The following RGS12 variants were observed in gnomAD, a reference collection of about 807,000 sequenced individuals.
RGS12 encodes regulator of G protein signaling 12, also known as regulator of G-protein signaling 12.
In RGS12, 66 loss-of-function variants were observed where a neutral mutation model predicts 120.1. The observed-to-expected ratio is 0.55, with a 90% CI of 0.45 to 0.67. RGS12 has a LOEUF of 0.67. Among genes scored for constraint, RGS12 ranks in the 30% least tolerant of loss-of-function variants. The pLI is 0.00. For missense variants in RGS12, 1,859 were observed against 1,957.7 expected (o/e 0.95, Z 0.95); for synonymous variants, 827 against 804.7 (o/e 1.03, Z -0.47).
chr4:3,349,472 G>A (rs1385793363), intron 3 of RGS12, among the ~76,000 whole-genome samples: 3 of 151,998 alleles, frequency 2.0e-5, no homozygotes, highest in Non-Finnish European at 4.4e-5. Context: ...CTACTTAGTG[G>A]TTTCTTTCTC....
intron 3 of RGS12, chr4:3,370,294 C>G: frequency 6.2e-7 from 1 of 1,614,116 alleles, no homozygotes; most frequent in African/African-American, 1.3e-5. Context: ...AGTTGTCAAA[C>G]GAAACCCATG....
intron 2 of RGS12, among the ~76,000 whole-genome samples, chr4:3,328,228 G>T (rs937876507): frequency 2.0e-5 from 3 of 152,176 alleles, no homozygotes; most frequent in African/African-American, 7.2e-5. Flanking sequence ...GTAGAGAATG[G>T]AGACTTGGAA....
At chr4:3,421,053 T>A (rs762409245) in intron 10 of RGS12, among the ~76,000 whole-genome samples, 9 of 152,222 alleles carry the variant, frequency 5.9e-5, no homozygotes, top group Non-Finnish European at 1.3e-4. Flanking sequence ...CCACTAAGAA[T>A]CAACAGAAGG....
intron 2 of RGS12, among the ~76,000 whole-genome samples, chr4:3,322,297 G>T (rs1725256145): frequency 2.0e-5 from 3 of 152,336 alleles, no homozygotes; most frequent in African/African-American, 7.2e-5. Flanking sequence ...TGAGTTACTT[G>T]TAGACTCGCT....
intron 9 of RGS12, chr4:3,417,808 T>C (rs902272962): frequency 2.3e-6 from 1 of 425,868 alleles, no homozygotes; most frequent in African/African-American, 2.0e-5. Context: ...ACCTCAGGCC[T>C]ACCCCACACA....
intron 16 of RGS12, 28 bp downstream of exon 16, chr4:3,428,739 T>C: frequency 6.4e-7 from 1 of 1,562,872 alleles, no homozygotes; most frequent in Non-Finnish European, 8.6e-7. Context: ...AACTTCCACG[T>C]TTTTAGTAAA....
intron 4 of RGS12, among the ~76,000 whole-genome samples, chr4:3,395,207 TAA>T (rs572783032): frequency 1.9e-4 from 26 of 135,438 alleles, no homozygotes; most frequent in Middle Eastern, 3.8e-3. Flanking sequence ...AGAGTCCATC[TAA>T]AAAAAAAAAA....
intron 13 of RGS12, 27 bp from the exon 14 acceptor site, chr4:3,425,437 A>G (rs768009797): frequency 6.3e-7 from 1 of 1,588,766 alleles, no homozygotes; most frequent in Non-Finnish European, 8.6e-7. Flanking sequence ...GTCTGGGTAA[A>G]TTATTCAGTG....
chr4:3,286,841 C>T, the RGS12 span, among the ~76,000 whole-genome samples: 3 of 152,212 alleles, frequency 2.0e-5, no homozygotes, highest in Non-Finnish European at 4.4e-5. Flanking sequence ...GCCCTTAGTG[C>T]GCTGCTAGGC....
At chr4:3,388,650 C>T (rs1719120854) in intron 4 of RGS12, among the ~76,000 whole-genome samples, 1 of 152,110 alleles carries the variant, frequency 6.6e-6, no homozygotes, top group African/African-American at 2.4e-5. Context: ...CAGCCCTGGA[C>T]CCTCCAGCGC....
rs930705809 is a variant in RGS12, at chr4:3,433,675, C to T, written c.4114+2720C>T. 1.3e-5 allele frequency among the ~76,000 whole-genome samples: 2 copies of T among 152,012 alleles called. No individual in the cohort carries two copies. Among genetic ancestry groups the T allele is most frequent in the African/African-American group, 2.4e-5 (1 of 41,356 alleles). ...CCACCCTGTTCCAGCCCCTGCGCCA[C>T]GTGGTGCTCCACCACGCCCTTCTAG... On this transcript the variant is annotated intron_variant, in intron 17 of 17. Transcript: ENST00000336727. This position sits in a 1 kb window ranked among gnomAD's most constrained non-coding sequence, Gnocchi z 4.4.
At chr4:3,401,516 A>T (rs1490598796) in intron 4 of RGS12, among the ~76,000 whole-genome samples, 1 of 152,244 alleles carries the variant, frequency 6.6e-6, no homozygotes, top group Non-Finnish European at 1.5e-5. Context: ...AAAGTTAAGT[A>T]ACTCGTAAGT....
At chr4:3,310,848 G>A (rs889000073) in intron 1 of RGS12, among the ~76,000 whole-genome samples, 1 of 152,166 alleles carries the variant, frequency 6.6e-6, no homozygotes, top group Non-Finnish European at 1.5e-5. Context: ...GCTGTCTCAG[G>A]CCCTTCCTCT....
At chr4:3,377,695 A>G (rs971862325) in intron 3 of RGS12, among the ~76,000 whole-genome samples, 2 of 152,238 alleles carry the variant, frequency 1.3e-5, no homozygotes, top group African/African-American at 4.8e-5. Context: ...AACTTTCAAA[A>G]CATTCATTTC....
intron 17 of RGS12, 78 bp from the exon 18 acceptor site, chr4:3,439,377 G>A (rs1725118355): frequency 7.1e-7 from 1 of 1,400,298 alleles, no homozygotes; most frequent in Non-Finnish European, 1.0e-6. Flanking sequence ...CTGTGCAGGG[G>A]CCTTCGGGGT....
chr4:3,414,893 A>G (rs773457985), intron 6 of RGS12, 49 bp downstream of exon 6: 37 of 1,384,288 alleles, frequency 2.7e-5, no homozygotes, highest in Non-Finnish European at 3.2e-5. Context: ...GGCGTGTGAG[A>G]GAGACGCATG....
At chr4:3,286,884 G>A in the RGS12 span, among the ~76,000 whole-genome samples, 1 of 152,232 alleles carries the variant, frequency 6.6e-6, no homozygotes, top group Non-Finnish European at 1.5e-5. Flanking sequence ...AGTGCCTGCG[G>A]GAGCCGACGC....
At chr4:3,378,291 C>A (rs1411556686) in intron 3 of RGS12, 2 of 152,172 alleles carry the variant, frequency 1.3e-5, no homozygotes, top group Middle Eastern at 6.8e-3. Context: ...CACTTAAGAC[C>A]TGAAACCAAA....
At chr4:3,405,904 A>G (rs1721067805) in intron 4 of RGS12, among the ~76,000 whole-genome samples, 1 of 144,284 alleles carries the variant, frequency 6.9e-6, no homozygotes, top group Non-Finnish European at 1.6e-5. Flanking sequence ...AATTATTTCA[A>G]AAGAAAAAGT....
Sources: gnomAD v4.1 joint callset for allele counts (sites outside exome capture counted in the v4.1 genomes callset) on GRCh38, gnomAD v4.1.1 for gene constraint, Gnocchi (gnomAD v3.1) non-coding constraint, MANE v1.5 for transcripts, NCBI Gene and HGNC (gene_info 2026-07-23, HGNC 2026-07-21) for gene names.